The following SNX8 variants were observed in gnomAD, a reference collection of about 807,000 sequenced individuals.
The protein encoded by SNX8 is sorting nexin-8.
SNX8 carries 25 observed loss-of-function variants against 51.6 expected under a neutral mutation model. That is an observed-to-expected ratio of 0.48 (90% CI 0.35 to 0.68). The LOEUF (loss-of-function observed/expected upper bound fraction) is 0.68, where lower values mean the gene tolerates loss of function less well. Ranked by LOEUF, SNX8 falls within the 30% of genes least tolerant of loss-of-function variation. SNX8 has a pLI of 0.00. For missense variants in SNX8, 695 were observed against 624.0 expected, an observed-to-expected ratio of 1.11 and a Z score of -1.21; for synonymous variants, 324 against 277.0, an observed-to-expected ratio of 1.17 and a Z score of -1.68.
intron 1 of SNX8, among the ~76,000 whole-genome samples, chr7:2,282,740 G>A (rs2115147178): frequency 1.3e-5 from 2 of 152,320 alleles, no homozygotes; most frequent in Middle Eastern, 6.8e-3. Context: ...ACTTTGGGAG[G>A]CCGAGGCAGG....
At chr7:2,332,735 G>A (rs1369508990) in intron 1 of SNX8, among the ~76,000 whole-genome samples, 1 of 137,818 alleles carries the variant, frequency 7.3e-6, no homozygotes, top group Non-Finnish European at 1.6e-5. Context: ...GAGAGAGAGA[G>A]AGAGAGAAAA....
intron 3 of SNX8, 123 bp downstream of exon 3, chr7:2,274,989 G>C: frequency 1.7e-6 from 1 of 573,350 alleles, no homozygotes; most frequent in Non-Finnish European, 3.0e-6. Flanking sequence ...AAAGGCTGGA[G>C]TTTCCCCCGC....
chr7:2,289,661 G>T (rs1266483135), intron 1 of SNX8, among the ~76,000 whole-genome samples: 4 of 152,028 alleles, frequency 2.6e-5, no homozygotes, highest in Non-Finnish European at 1.5e-5. Context: ...TCACTAGATT[G>T]CCAAGGCAAT....
At chr7:2,301,442 T>A (rs1241737210) in intron 1 of SNX8, among the ~76,000 whole-genome samples, 1 of 152,242 alleles carries the variant, frequency 6.6e-6, no homozygotes, top group Non-Finnish European at 1.5e-5. Context: ...TGTTAGCAAC[T>A]TTTATTGAAG....
At chr7:2,321,569 GGCGC>G (rs1379162449) in intron 1 of SNX8, among the ~76,000 whole-genome samples, 1 of 151,074 alleles carries the variant, frequency 6.6e-6, no homozygotes, top group East Asian at 1.9e-4. Context: ...TGGAATAACA[GGCGC>G]CCGCCACTAC....
At chr7:2,338,209 TC>T (rs766231153) in intron 1 of SNX8, among the ~76,000 whole-genome samples, 6 of 152,072 alleles carry the variant, frequency 3.9e-5, no homozygotes, top group Non-Finnish European at 8.8e-5. Flanking sequence ...ACACCTGTAA[TC>T]CCAGCACTTT....
intron 1 of SNX8, among the ~76,000 whole-genome samples, chr7:2,285,520 G>A (rs968510351): frequency 1.3e-5 from 2 of 152,196 alleles, no homozygotes; most frequent in Non-Finnish European, 2.9e-5. Context: ...GCAGCTCTGT[G>A]GCCAGGGAAC....
chr7:2,304,583 G>T (rs1231190344), intron 1 of SNX8, among the ~76,000 whole-genome samples: 2 of 152,088 alleles, frequency 1.3e-5, no homozygotes, highest in Non-Finnish European at 2.9e-5. Context: ...GACAGGGGCA[G>T]ATGGGAATAC....
At position 2,337,677 on chromosome 7, in the gene SNX8, G is replaced by C. The variant is rs1407789004; in HGVS notation, c.-66+16545C>G. Among the ~76,000 whole-genome samples the C allele has an allele frequency of 2.0e-5, 3 of 151,822 alleles. No individual in the cohort carries two copies. In the East Asian group the frequency reaches 5.8e-4, roughly 29 times the overall value. On this transcript the variant is annotated intron_variant, in intron 1 of 5. Coordinates refer to the SNX8 transcript ENST00000435336. ...AACGTATAATCTGAAATGCAAATAC[G>C]AGAAAACATGAAAGATTGAGAATTA...
chr7:2,327,785 G>A (rs200559356), intron 1 of SNX8, among the ~76,000 whole-genome samples: 18 of 152,064 alleles, frequency 1.2e-4, no homozygotes, highest in African/African-American at 2.2e-4. Context: ...CTCGTGATCC[G>A]CCCGCCTTGG....
chr7:2,309,522 G>T (rs1400437131), intron 1 of SNX8, among the ~76,000 whole-genome samples: 8 of 151,886 alleles, frequency 5.3e-5, no homozygotes. Context: ...ACCTGAGGTT[G>T]GGAGTTCGAG....
intron 8 of SNX8, 34 bp downstream of exon 8, chr7:2,257,701 T>A (rs1795225033): frequency 6.2e-7 from 1 of 1,607,398 alleles, no homozygotes; most frequent in African/African-American, 1.3e-5. Context: ...TTCCTGAAAG[T>A]TCTGCCCCCA....
intron 1 of SNX8, among the ~76,000 whole-genome samples, chr7:2,306,907 A>AC (rs1206006933): frequency 6.6e-6 from 1 of 152,184 alleles, no homozygotes; most frequent in Non-Finnish European, 1.5e-5. Flanking sequence ...CTGGAAAATA[A>AC]CGTAACTGGG....
At chr7:2,303,707 G>A (rs1584722960) in intron 1 of SNX8, among the ~76,000 whole-genome samples, 1 of 152,142 alleles carries the variant, frequency 6.6e-6, no homozygotes, top group East Asian at 1.9e-4. Flanking sequence ...GGGTTAAATG[G>A]ATTAAGGGCG....
chr7:2,258,644 G>T (rs961657164), intron 7 of SNX8, among the ~76,000 whole-genome samples: 1 of 152,214 alleles, frequency 6.6e-6, no homozygotes, highest in African/African-American at 2.4e-5. Flanking sequence ...GCACAGGGAA[G>T]GGGGCGCAGG....
chr7:2,325,362 G>T (rs1214101993), intron 1 of SNX8, among the ~76,000 whole-genome samples: 1 of 152,168 alleles, frequency 6.6e-6, no homozygotes, highest in Non-Finnish European at 1.5e-5. Context: ...GGAATTGGTT[G>T]TTACTAGAAA....
At chr7:2,322,600 A>G (rs983737053) in intron 1 of SNX8, among the ~76,000 whole-genome samples, 1 of 152,186 alleles carries the variant, frequency 6.6e-6, no homozygotes, top group African/African-American at 2.4e-5. Flanking sequence ...AGGCTGAGGC[A>G]GGAGAATCGC....
At chr7:2,309,934 G>A (rs767155517) in intron 1 of SNX8, 4 of 463,428 alleles carry the variant, frequency 8.6e-6, no homozygotes, top group Non-Finnish European at 1.3e-5. Context: ...CCCTGGACCT[G>A]CCTCAATGAC....
chr7:2,351,717 G>A (rs1234715593), intron 1 of SNX8, among the ~76,000 whole-genome samples: 1 of 151,346 alleles, frequency 6.6e-6, no homozygotes, highest in Non-Finnish European at 1.5e-5. Context: ...TGTAGTCCCA[G>A]CTACTCGGGA....
Sources: gnomAD v4.1 joint callset for allele counts (sites outside exome capture counted in the v4.1 genomes callset) on GRCh38, gnomAD v4.1.1 for gene constraint, MANE v1.5 for transcripts, NCBI Gene and HGNC (gene_info 2026-07-23, HGNC 2026-07-21) for gene names.